The following FHIT variants were observed in gnomAD, a reference collection of about 807,000 sequenced individuals.
The protein encoded by FHIT is bis(5'-adenosyl)-triphosphatase.
In FHIT, 19 loss-of-function variants were observed where a neutral mutation model predicts 17.9. That is an observed-to-expected ratio of 1.06 (90% CI 0.74 to 1.56). The LOEUF is 1.56. Among genes scored for constraint, FHIT ranks in the 40% most tolerant of loss-of-function variants. The pLI, the probability that FHIT is intolerant of heterozygous loss-of-function variation, is 0.00. For synonymous variants in FHIT, 81 were observed against 69.7 expected, an observed-to-expected ratio of 1.16 and a Z score of -0.81; for missense variants, 248 against 189.2, an observed-to-expected ratio of 1.31 and a Z score of -1.82.
chr3:60,320,115 TTAAAA>T (rs1236743530), intron 5 of FHIT, among the ~76,000 whole-genome samples: 1 of 152,166 alleles, frequency 6.6e-6, no homozygotes, highest in Non-Finnish European at 1.5e-5. Flanking sequence ...GTTACACCAT[TTAAAA>T]TAAACTTTTT....
intron 5 of FHIT, among the ~76,000 whole-genome samples, chr3:60,390,396 T>TGAAAAA (rs1701174274): frequency 8.7e-4 from 28 of 32,026 alleles, no homozygotes; most frequent in African/African-American, 3.4e-3. Flanking sequence ...GTAATGGAGC[T>TGAAAAA]AAAAAAAAAA....
chr3:60,869,978 G>C (rs1315564296), intron 3 of FHIT, among the ~76,000 whole-genome samples: 24 of 152,076 alleles, frequency 1.6e-4, no homozygotes, highest in African/African-American at 5.8e-4. Flanking sequence ...TAAGTACTTT[G>C]ATTTGATTCT....
chr3:59,898,357 T>C (rs79778721), intron 8 of FHIT, among the ~76,000 whole-genome samples: 7,311 of 152,172 alleles, frequency 0.048, 212 homozygotes, highest in Non-Finnish European at 0.067. Context: ...GGCCCAAGCA[T>C]TTCAGATAAG....
chr3:60,162,648 A>AT (rs1408565165), intron 5 of FHIT, among the ~76,000 whole-genome samples: 2 of 152,172 alleles, frequency 1.3e-5, no homozygotes, highest in African/African-American at 4.8e-5. Context: ...AATGCATTTC[A>AT]TTTTTACCTT....
intron 4 of FHIT, among the ~76,000 whole-genome samples, chr3:60,690,948 CA>C (rs1197011408): frequency 8.1e-5 from 12 of 147,666 alleles, no homozygotes; most frequent in African/African-American, 1.5e-4. Flanking sequence ...ATAGTGTGGC[CA>C]AAAAAAAAAT....
chr3:61,202,747 G>C (rs1052769097), intron 1 of FHIT, among the ~76,000 whole-genome samples: 1 of 152,106 alleles, frequency 6.6e-6, no homozygotes, highest in Non-Finnish European at 1.5e-5. Context: ...CATGTCATTA[G>C]CAAAAATGAA....
At chr3:60,138,768 A>AG (rs746519798) in intron 5 of FHIT, among the ~76,000 whole-genome samples, 7 of 152,280 alleles carry the variant, frequency 4.6e-5, no homozygotes, top group Non-Finnish European at 1.0e-4. Flanking sequence ...AAAGACATCC[A>AG]GGATGACCAC....
At chr3:60,487,676 G>A (rs749074481) in intron 5 of FHIT, among the ~76,000 whole-genome samples, 2 of 152,280 alleles carry the variant, frequency 1.3e-5, no homozygotes, top group East Asian at 1.9e-4. Context: ...AGTTGCTAAC[G>A]CAGGGAAATA....
At chr3:60,281,439 A>C (rs924448461) in intron 5 of FHIT, among the ~76,000 whole-genome samples, 1 of 152,222 alleles carries the variant, frequency 6.6e-6, no homozygotes, top group African/African-American at 2.4e-5. Flanking sequence ...GACTTGCTAC[A>C]AAGCTACAGC....
At chr3:59,979,974 G>A (rs558387692) in intron 7 of FHIT, among the ~76,000 whole-genome samples, 1 of 152,240 alleles carries the variant, frequency 6.6e-6, no homozygotes, top group East Asian at 1.9e-4. Context: ...CGACAGAGAA[G>A]ACTTAATGTG....
At chr3:60,202,564 G>C (rs141265598) in intron 5 of FHIT, among the ~76,000 whole-genome samples, 10 of 152,268 alleles carry the variant, frequency 6.6e-5, no homozygotes, top group African/African-American at 2.2e-4. Context: ...GATTGTGGAT[G>C]TGTAACTAAT....
At chr3:60,000,742 C>T (rs558727479) in intron 7 of FHIT, among the ~76,000 whole-genome samples, 7 of 152,196 alleles carry the variant, frequency 4.6e-5, no homozygotes, top group Non-Finnish European at 1.0e-4. Context: ...TACCCTCTGC[C>T]CTGAAATACA....
At chr3:60,124,037 G>A (rs1227218376) in intron 5 of FHIT, among the ~76,000 whole-genome samples, 1 of 115,494 alleles carries the variant, frequency 8.7e-6, no homozygotes, top group East Asian at 2.4e-4. Flanking sequence ...GAGAGAGAGA[G>A]AGAGAGAGAG....
Position 61,066,616 on chromosome 3 carries a change from A to G in FHIT, c.-163-24517T>C, listed in dbSNP as rs113973327. On this transcript the variant is annotated intron_variant, in intron 2 of 9. Transcript: ENST00000492590. ...GGCAAGAAGAGCAAAGCTCTGTCTC[A>G]AAAAAACAAAAACAAACAAACAAGA... Among the ~76,000 whole-genome samples the G allele has an allele frequency of 8.3e-3, 1,269 of 152,290 alleles. 7 individuals are homozygous for G. Among genetic ancestry groups the G allele is most frequent in the Non-Finnish European group, 0.014 (979 of 68,024 alleles).
chr3:59,767,541 C>T (rs1701864095), intron 8 of FHIT, among the ~76,000 whole-genome samples: 1 of 152,020 alleles, frequency 6.6e-6, no homozygotes, highest in Admixed American at 6.5e-5. Flanking sequence ...AGGAGAGATG[C>T]CCTCGGTCCA....
intron 4 of FHIT, among the ~76,000 whole-genome samples, chr3:60,558,955 A>C (rs1157328090): frequency 3.3e-5 from 5 of 152,108 alleles, no homozygotes; most frequent in Non-Finnish European, 7.4e-5. Context: ...CAGAATCTTG[A>C]CTCTTTCAAT....
At chr3:60,569,742 TATATA>T (rs1433821403) in intron 4 of FHIT, among the ~76,000 whole-genome samples, 85 of 66,084 alleles carry the variant, frequency 1.3e-3, no homozygotes, top group Non-Finnish European at 2.2e-3. Flanking sequence ...TATATATATA[TATATA>T]TATATATATT....
At chr3:60,952,176 C>CA (rs1410171859) in intron 3 of FHIT, among the ~76,000 whole-genome samples, 2 of 138,456 alleles carry the variant, frequency 1.4e-5, no homozygotes, top group African/African-American at 5.8e-5. Context: ...CCCACCCCCC[C>CA]CCCAAAAAAA....
At position 60,384,286 on chromosome 3, in the gene FHIT, G is replaced by A. The variant is rs188780013; in HGVS notation, c.103+152574C>T. The stretch of plus-strand genomic sequence containing the variant: ...CGTCTTAAAAAAAAAAAAAAAAATT[G>A]GAGATAATTTTTAATAGAGACTATT... On this transcript the variant is annotated intron_variant, in intron 5 of 9. Coordinates refer to ENST00000492590, the MANE Select transcript of FHIT (RefSeq NM_002012.4). Among the ~76,000 whole-genome samples the A allele has an allele frequency of 5.7e-3, 857 of 149,798 alleles. 5 individuals are homozygous for A. The highest frequency in any genetic ancestry group is 9.2e-3 in the Non-Finnish European group (621 of 67,366).
Sources: gnomAD v4.1 joint callset for allele counts (sites outside exome capture counted in the v4.1 genomes callset) on GRCh38, gnomAD v4.1.1 for gene constraint, MANE v1.5 for transcripts, NCBI Gene and HGNC (gene_info 2026-07-23, HGNC 2026-07-21) for gene names.